CDC42: variants seen among roughly 807,000 people sequenced by gnomAD.
CDC42 encodes the protein cell division control protein 42 homolog.
In CDC42, 1 loss-of-function variant was observed where a neutral mutation model predicts 20.8. The ratio of observed to expected loss-of-function variants is 0.05; its 90% confidence interval spans 0.02 to 0.23. CDC42 has a LOEUF of 0.23. CDC42 is among the 10% of genes least tolerant of loss of function. The pLI is 1.00. For missense variants in CDC42, 49 were observed against 227.9 expected, an observed-to-expected ratio of 0.21 and a Z score of 5.05; for synonymous variants, 72 against 84.8, an observed-to-expected ratio of 0.85 and a Z score of 0.83.
At chr1:22,068,100 T>C (rs948725150) in intron 1 of CDC42, among the ~76,000 whole-genome samples, 2 of 152,114 alleles carry the variant, frequency 1.3e-5, no homozygotes, top group Non-Finnish European at 2.9e-5. Context: ...AAAAAATCTT[T>C]AGGAAACCTG....
rs992588919 is a variant in CDC42, at chr1:22,100,080, T to G, written c.*8563T>G. Among the ~76,000 whole-genome samples, 3 of 150,168 alleles carry G rather than the reference T, an allele frequency of 2.0e-5. No individual in the cohort carries two copies. The East Asian group carries it at 5.9e-4, about 30-fold the overall frequency. On this transcript the variant is annotated 3_prime_UTR_variant, in exon 6 of 6. Coordinates refer to ENST00000656825, the MANE Select transcript of CDC42 (RefSeq NM_001791.4). ...CCTGTGAGTTGGGAAGAGCAGGGTT[T>G]GTTTGGTGAGAAAGTTGCACCTTAG...
chr1:22,073,579 G>GT (rs1645516542), intron 1 of CDC42, among the ~76,000 whole-genome samples: 1 of 151,908 alleles, frequency 6.6e-6, no homozygotes, highest in Non-Finnish European at 1.5e-5. Flanking sequence ...GAAGATATGG[G>GT]TATTGGAGGG....
chr1:22,065,561 G>A (rs905151584), intron 1 of CDC42, among the ~76,000 whole-genome samples: 1 of 152,056 alleles, frequency 6.6e-6, no homozygotes, highest in Non-Finnish European at 1.5e-5. Flanking sequence ...TGCCATATTA[G>A]GTATTTACTC....
At chr1:22,089,954 G>T (rs1244150399) in intron 5 of CDC42, 1 of 1,613,964 alleles carries the variant, frequency 6.2e-7, no homozygotes, top group Admixed American at 1.7e-5. Context: ...GAGGTCTGAA[G>T]AATGTGTTTG....
chr1:22,097,349 C>T lies in CDC42; in HGVS notation c.*5832C>T, dbSNP rs976227988. ...TCGGCTTGCTGCAATCTCTGCAATT[C>T]TCATGCCTCAGCCTCCCAAGTAGCT... On this transcript the variant is annotated 3_prime_UTR_variant, in exon 6 of 6. Coordinates refer to ENST00000656825, the MANE Select transcript of CDC42 (RefSeq NM_001791.4). Among the ~76,000 whole-genome samples the T allele has an allele frequency of 3.3e-5, 5 of 152,192 alleles. No homozygotes were observed. Among genetic ancestry groups the T allele is most frequent in the African/African-American group, 1.2e-4 (5 of 41,448 alleles).
At chr1:22,063,021 C>T (rs1170848153) in intron 1 of CDC42, among the ~76,000 whole-genome samples, 4 of 152,072 alleles carry the variant, frequency 2.6e-5, no homozygotes, top group Non-Finnish European at 4.4e-5. Flanking sequence ...AATATTGATA[C>T]TCCTAAAACA....
intron 2 of CDC42, among the ~76,000 whole-genome samples, chr1:22,080,189 A>G (rs577341462): frequency 6.6e-6 from 1 of 152,242 alleles, no homozygotes; most frequent in African/African-American, 2.4e-5. Flanking sequence ...TTAGAAGTCT[A>G]AGTTTAATTA....
chr1:22,071,684 T>C (rs991266156), intron 1 of CDC42, among the ~76,000 whole-genome samples: 6 of 152,220 alleles, frequency 3.9e-5, no homozygotes, highest in African/African-American at 1.4e-4. Flanking sequence ...AGACTAGTCC[T>C]TCTGTTGAAC....
Position 22,086,827 on chromosome 1 carries a change from G to C in CDC42, c.447G>C (p.Leu149=). 6.2e-7 allele frequency: 1 copy of C among 1,614,056 alleles called. No homozygotes were observed. The highest frequency in any genetic ancestry group is 8.5e-7 in the Non-Finnish European group (1 of 1,179,944). The change falls in exon 5 of 6, where the codon CTG becomes CTC. Residue 149 remains leucine, a synonymous_variant. Coordinates refer to ENST00000656825, the MANE Select transcript of CDC42 (RefSeq NM_001791.4). ...CTGCTGAAAAGCTGGCCCGTGACCTGAAGGCTGTCAAGTATGTGGAGTGTT... is the reference window on the plus strand; with the variant it reads ...CTGCTGAAAAGCTGGCCCGTGACCTCAAGGCTGTCAAGTATGTGGAGTGTT... ...PETAEKLARD[L]KAVKYVECSA...
rs72665337 is a variant in CDC42, at chr1:22,085,244, A to G, written c.179-1195A>G. ...GAGACTCTGTCTAAAAAAAAAAAAAAAAAAGAAAAATCATTTGCCCACATA... is the reference window on the plus strand; with the variant it reads ...GAGACTCTGTCTAAAAAAAAAAAAAGAAAAGAAAAATCATTTGCCCACATA... On this transcript the variant is annotated intron_variant, in intron 3 of 5. Coordinates refer to ENST00000656825, the MANE Select transcript of CDC42 (RefSeq NM_001791.4). Among the ~76,000 whole-genome samples the G allele has an allele frequency of 1.6e-4, 22 of 135,936 alleles. 2 individuals are homozygous for G. Among genetic ancestry groups the G allele is most frequent in the Middle Eastern group, 3.9e-3 (1 of 258 alleles). 89.2% of individuals were successfully genotyped at this position (135,936 alleles called of 152,430 possible). A position where few individuals can be genotyped will look rare whatever the true frequency, so the allele number is the denominator to read the frequency against.
intron 1 of CDC42, among the ~76,000 whole-genome samples, chr1:22,066,893 G>A (rs573170138): frequency 1.3e-5 from 2 of 152,246 alleles, no homozygotes; most frequent in South Asian, 2.1e-4. Flanking sequence ...GAGAAACCCC[G>A]TCTCTACTAA....
intron 5 of CDC42, among the ~76,000 whole-genome samples, chr1:22,087,387 C>T (rs547950268): frequency 1.3e-5 from 2 of 152,216 alleles, no homozygotes; most frequent in South Asian, 4.1e-4. Context: ...TGTCCCTATT[C>T]CTATATTTTT....
rs1645735029 is a variant in CDC42, at chr1:22,093,435, C to T, written c.*1918C>T. On this transcript the variant is annotated 3_prime_UTR_variant, in exon 6 of 6. Coordinates refer to ENST00000656825, the MANE Select transcript of CDC42 (RefSeq NM_001791.4). ...AACTACTACTATCAGAATACAGGTT[C>T]TGTGCTGCGAATCTGAATATGGGAT... 6.6e-6 allele frequency among the ~76,000 whole-genome samples: 1 copy of T among 152,212 alleles called. No homozygotes were observed. The highest frequency in any genetic ancestry group is 1.5e-5 in the Non-Finnish European group (1 of 68,042).
chr1:22,061,532 C>CTTTTTTTTTTTTTTTT (rs555957608), intron 1 of CDC42, among the ~76,000 whole-genome samples: 1 of 36,184 alleles, frequency 2.8e-5, no homozygotes, highest in Admixed American at 3.8e-4. Context: ...ATGTTTCTTT[C>CTTTTTTTTTTTTTTTT]TTTTTTTTTT....
chr1:22,054,922 T>TA (rs1557890193), intron 1 of CDC42, among the ~76,000 whole-genome samples: 86 of 7,778 alleles, frequency 0.011, no homozygotes, highest in African/African-American at 0.014. Context: ...TATATATATA[T>TA]TTTTTTTTTT....
At chr1:22,069,934 C>G (rs566067027) in intron 1 of CDC42, among the ~76,000 whole-genome samples, 4 of 152,116 alleles carry the variant, frequency 2.6e-5, no homozygotes, top group African/African-American at 9.6e-5. Flanking sequence ...ACCACAGGCG[C>G]ATGCCACCAT....
intron 1 of CDC42, among the ~76,000 whole-genome samples, chr1:22,071,797 A>T (rs1335007181): frequency 6.6e-6 from 1 of 152,152 alleles, no homozygotes. Context: ...GGGCAAACGT[A>T]TTTCACATGA....
intron 1 of CDC42, among the ~76,000 whole-genome samples, chr1:22,060,225 C>T (rs1645347942): frequency 6.6e-6 from 1 of 152,032 alleles, no homozygotes; most frequent in Non-Finnish European, 1.5e-5. Flanking sequence ...GTAATCCCAG[C>T]TACTTGAGAG....
intron 5 of CDC42, chr1:22,090,134 G>A: frequency 4.8e-6 from 7 of 1,458,548 alleles, no homozygotes; most frequent in Non-Finnish European, 6.4e-6. Flanking sequence ...GAAAGCCTCT[G>A]CGTCTTTTTA....
Sources: gnomAD v4.1 joint callset for allele counts (sites outside exome capture counted in the v4.1 genomes callset) on GRCh38, gnomAD v4.1.1 for gene constraint, MANE v1.5 for transcripts, NCBI Gene and HGNC (gene_info 2026-07-23, HGNC 2026-07-21) for gene names.